CADM2: variants seen among roughly 807,000 people sequenced by gnomAD.
CADM2 encodes immunoglobulin superfamily member 4D.
CADM2 carries 12 observed loss-of-function variants against 49.8 expected under a neutral mutation model. The ratio of observed to expected loss-of-function variants is 0.24; its 90% confidence interval spans 0.15 to 0.39. CADM2 has a LOEUF of 0.39. Ranked by LOEUF, CADM2 falls within the 10% of genes least tolerant of loss-of-function variation. The pLI is 1.00. For synonymous variants in CADM2, 214 were observed against 175.4 expected, an observed-to-expected ratio of 1.22 and a Z score of -1.74; for missense variants, 378 against 492.3, an observed-to-expected ratio of 0.77 and a Z score of 2.20.
chr3:86,058,918 A>G (rs992152367), intron 8 of CADM2, among the ~76,000 whole-genome samples: 9 of 151,812 alleles, frequency 5.9e-5, no homozygotes, highest in Admixed American at 4.6e-4. Flanking sequence ...ACCTGGTGAA[A>G]CCCTGTCTCC....
At chr3:85,940,942 T>G (rs1222700535) in intron 7 of CADM2, among the ~76,000 whole-genome samples, 1 of 152,076 alleles carries the variant, frequency 6.6e-6, no homozygotes, top group African/African-American at 2.4e-5. Flanking sequence ...CACCCACTGA[T>G]AGCCTTCCTC....
chr3:85,592,122 A>G lies in CADM2; in HGVS notation c.62-134400A>G, dbSNP rs1418575435. Among the ~76,000 whole-genome samples the G allele has an allele frequency of 7.9e-5, 12 of 152,148 alleles. No individual in the cohort carries two copies. The East Asian group carries it at 1.9e-3, about 25-fold the overall frequency. On this transcript the variant is annotated intron_variant, in intron 1 of 9. Coordinates refer to ENST00000383699, the MANE Select transcript of CADM2 (RefSeq NM_001167675.2). ...TGTTTGCAAAGAGTAAATTTATAAT[A>G]TGATTTAAAAAAGGATGAATTAATT...
intron 1 of CADM2, among the ~76,000 whole-genome samples, chr3:84,986,019 A>G (rs1014785625): frequency 3.9e-5 from 6 of 152,222 alleles, no homozygotes; most frequent in African/African-American, 1.4e-4. Flanking sequence ...CCTCTCAATG[A>G]ACTTCATCAG....
chr3:85,116,296 A>G (rs896692636), intron 1 of CADM2, among the ~76,000 whole-genome samples: 2 of 152,256 alleles, frequency 1.3e-5, no homozygotes, highest in African/African-American at 4.8e-5. Context: ...ATTGCTCTCC[A>G]GCCTGGGCAA....
chr3:85,856,473 A>C (rs1416018605), intron 3 of CADM2, among the ~76,000 whole-genome samples: 1 of 152,198 alleles, frequency 6.6e-6, no homozygotes, highest in African/African-American at 2.4e-5. Context: ...TTCCCTTAGC[A>C]ATAGATTATC....
rs1368079025 is a variant in CADM2, at chr3:86,071,960, A to G, written c.*5177A>G. ...GTTTTAAGTAAAAATCATGTATATGAATTATTTTACCAAGTAGTATTATCT... is the reference window on the plus strand; with the variant it reads ...GTTTTAAGTAAAAATCATGTATATGGATTATTTTACCAAGTAGTATTATCT... On this transcript the variant is annotated 3_prime_UTR_variant, in exon 10 of 10. Transcript: ENST00000383699. 6.6e-6 allele frequency: 1 copy of G among 151,844 alleles called. No individual in the cohort carries two copies. The highest frequency in any genetic ancestry group is 1.5e-5 in the Non-Finnish European group (1 of 67,860). 9.4% of individuals were successfully genotyped at this position (151,844 alleles called of 1,614,324 possible). A position where few individuals can be genotyped will look rare whatever the true frequency, so the allele number is the denominator to read the frequency against.
intron 6 of CADM2, among the ~76,000 whole-genome samples, chr3:85,916,933 C>G (rs1051594798): frequency 6.6e-6 from 1 of 152,080 alleles, no homozygotes; most frequent in African/African-American, 2.4e-5. Flanking sequence ...TGATGATGAG[C>G]ATTTTTTCAT....
At chr3:85,828,555 C>T (rs892883044) in intron 3 of CADM2, among the ~76,000 whole-genome samples, 1 of 151,916 alleles carries the variant, frequency 6.6e-6, no homozygotes, top group Non-Finnish European at 1.5e-5. Flanking sequence ...GTCTACTCAG[C>T]TAGAAACTTT....
At chr3:85,802,356 C>T (rs777222198) in intron 3 of CADM2, among the ~76,000 whole-genome samples, 160 bp downstream of exon 3, 2 of 152,088 alleles carry the variant, frequency 1.3e-5, no homozygotes, top group Non-Finnish European at 2.9e-5. Flanking sequence ...GTTTGCAAGT[C>T]ATAAACACCA....
At chr3:85,821,479 C>A (rs570259081) in intron 3 of CADM2, among the ~76,000 whole-genome samples, 1 of 152,278 alleles carries the variant, frequency 6.6e-6, no homozygotes, top group African/African-American at 2.4e-5. Flanking sequence ...AGAACCAAAG[C>A]AAAATGCTCC....
intron 2 of CADM2, among the ~76,000 whole-genome samples, chr3:85,783,416 G>A (rs934481815): frequency 1.3e-5 from 2 of 152,154 alleles, no homozygotes; most frequent in African/African-American, 4.8e-5. Flanking sequence ...TTCTGCTGTG[G>A]TAACATTTGC....
chr3:85,362,473 G>A (rs2032429918), intron 1 of CADM2, among the ~76,000 whole-genome samples: 1 of 152,078 alleles, frequency 6.6e-6, no homozygotes, highest in Non-Finnish European at 1.5e-5. Flanking sequence ...GAGATAGGCA[G>A]GTGCTATATA....
At position 85,010,599 on chromosome 3, in the gene CADM2, A is replaced by AAAAAAC. The variant is rs1348555173; in HGVS notation, c.61+50943_61+50948dup. Among the ~76,000 whole-genome samples the AAAAAAC allele has an allele frequency of 2.6e-5, 4 of 152,182 alleles. No homozygotes were observed. In the East Asian group the frequency reaches 7.7e-4, roughly 29 times the overall value. The stretch of plus-strand genomic sequence containing the variant: ...TGGCATTAAGTTTCCCTTTAAGATC[A>AAAAAAC]AAAAACAAAAACAAAAAACAAATCT... On this transcript the variant is annotated intron_variant, in intron 1 of 9. Transcript: ENST00000383699.
chr3:85,531,853 T>TA (rs918739585), intron 1 of CADM2, among the ~76,000 whole-genome samples: 42 of 152,320 alleles, frequency 2.8e-4, no homozygotes, highest in African/African-American at 9.9e-4. Flanking sequence ...CAATGTTTTT[T>TA]AAATGGTACA....
At chr3:85,132,640 A>G (rs201176385) in intron 1 of CADM2, among the ~76,000 whole-genome samples, 1 of 144,094 alleles carries the variant, frequency 6.9e-6, no homozygotes, top group Admixed American at 8.1e-5. Context: ...ATATATATAT[A>G]TATTTAGTCA....
intron 1 of CADM2, among the ~76,000 whole-genome samples, chr3:85,288,273 T>C (rs1363840516): frequency 6.6e-6 from 1 of 152,000 alleles, no homozygotes; most frequent in Non-Finnish European, 1.5e-5. Flanking sequence ...TAATGACAAG[T>C]GTATATGGAA....
intron 5 of CADM2, among the ~76,000 whole-genome samples, chr3:85,911,579 C>T (rs902564134): frequency 1.3e-5 from 2 of 152,210 alleles, no homozygotes; most frequent in African/African-American, 4.8e-5. Context: ...ACAACTTTCT[C>T]ATCCTAAGTA....
intron 1 of CADM2, among the ~76,000 whole-genome samples, chr3:85,094,265 T>C (rs1038819268): frequency 1.1e-4 from 16 of 152,158 alleles, no homozygotes; most frequent in African/African-American, 3.9e-4. Context: ...CATACCTTTA[T>C]AATAATAATT....
chr3:85,191,690 A>T (rs773563655), intron 1 of CADM2, among the ~76,000 whole-genome samples: 29 of 152,164 alleles, frequency 1.9e-4, no homozygotes, highest in Admixed American at 6.6e-5. Flanking sequence ...ATACATAAAC[A>T]AAGGAATAAG....
Sources: allele counts gnomAD v4.1 joint callset (sites outside exome capture counted in the v4.1 genomes callset), GRCh38; gene constraint gnomAD v4.1.1; transcripts MANE v1.5; gene names NCBI Gene and HGNC (gene_info 2026-07-23, HGNC 2026-07-21).